Variants in GAS7 observed in about 807,000 individuals in gnomAD.
GAS7 encodes growth arrest specific 7.
GAS7 carries 28 observed loss-of-function variants against 71.1 expected under a neutral mutation model. The ratio of observed to expected loss-of-function variants is 0.39; its 90% confidence interval spans 0.29 to 0.54. The LOEUF is 0.54. Among genes scored for constraint, GAS7 ranks in the 20% least tolerant of loss-of-function variants. The pLI, the probability that GAS7 is intolerant of heterozygous loss-of-function variation, is 0.62. For missense variants in GAS7, 436 were observed against 627.8 expected (o/e 0.69, Z 3.27); for synonymous variants, 258 against 245.8 (o/e 1.05, Z -0.46).
At position 10,184,298 on chromosome 17, in the gene GAS7, G is replaced by A. The variant is rs959974545; in HGVS notation, c.183+13910C>T. ...ATTGGCCCCAGGAAAGCCTCCCTGAGGCCCACCTCCACCTCATGATCAAGG... is the reference window on the plus strand; with the variant it reads ...ATTGGCCCCAGGAAAGCCTCCCTGAAGCCCACCTCCACCTCATGATCAAGG... On this transcript the variant is annotated intron_variant, in intron 1 of 13. Transcript: ENST00000432992. Among the ~76,000 whole-genome samples, 6 of 151,990 alleles carry A rather than the reference G, an allele frequency of 3.9e-5. No individual in the cohort carries two copies. The East Asian group carries it at 5.8e-4, about 15-fold the overall frequency.
chr17:9,919,130 C>G lies in GAS7; in HGVS notation c.1218+496G>C, dbSNP rs2067698036. 6.6e-6 allele frequency among the ~76,000 whole-genome samples: 1 copy of G among 152,174 alleles called. No homozygotes were observed. The highest frequency in any genetic ancestry group is 1.5e-5 in the Non-Finnish European group (1 of 68,018). On this transcript the variant is annotated intron_variant, in intron 12 of 13. Coordinates refer to ENST00000432992, the MANE Select transcript of GAS7 (RefSeq NM_201433.2). The surrounding 1 kb of genome is among the most constrained non-coding windows in gnomAD (Gnocchi z 5.0). The stretch of plus-strand genomic sequence containing the variant: ...AGATGCTGCCCCTTTACAAGAAATA[C>G]TCAAGAGCATCATCGGCCCTGCCGC...
intron 8 of GAS7, among the ~76,000 whole-genome samples, chr17:9,939,482 C>T (rs1471096634): frequency 6.6e-6 from 1 of 152,172 alleles, no homozygotes; most frequent in African/African-American, 2.4e-5. Flanking sequence ...TGCCCCTAGA[C>T]AAAGGGAGGC....
chr17:10,147,650 GT>G (rs1294351226), intron 1 of GAS7, among the ~76,000 whole-genome samples: 2 of 152,202 alleles, frequency 1.3e-5, no homozygotes, highest in Admixed American at 1.3e-4. Flanking sequence ...AAATACACTT[GT>G]AAAAATATAC....
rs540305254 is a variant in GAS7, at chr17:9,926,050, G to A, written c.1015-451C>T. Among the ~76,000 whole-genome samples the A allele has an allele frequency of 8.5e-5, 13 of 152,062 alleles. No homozygotes were observed. The South Asian group carries it at 2.7e-3, about 32-fold the overall frequency. ...CCTCACTGTACTGCCTTTCCTCCAG[G>A]CCACCACTGGCATCTCTGTGGTCCT... On this transcript the variant is annotated intron_variant, in intron 10 of 13. Coordinates refer to ENST00000432992, the MANE Select transcript of GAS7 (RefSeq NM_201433.2). The surrounding 1 kb of genome is among the most constrained non-coding windows in gnomAD (Gnocchi z 5.0).
intron 1 of GAS7, among the ~76,000 whole-genome samples, chr17:10,176,174 T>C (rs1437312267): frequency 6.6e-6 from 1 of 152,214 alleles, no homozygotes; most frequent in Non-Finnish European, 1.5e-5. Context: ...TTAAAGCTTG[T>C]CTGGGCCAAG....
At chr17:10,089,317 A>G (rs1047352783) in intron 1 of GAS7, among the ~76,000 whole-genome samples, 2 of 152,218 alleles carry the variant, frequency 1.3e-5, no homozygotes, top group African/African-American at 4.8e-5. Context: ...AGACCTCTTC[A>G]ATCCAATCCT....
chr17:9,944,267 T>G (rs2068711410), intron 6 of GAS7, among the ~76,000 whole-genome samples: 1 of 152,210 alleles, frequency 6.6e-6, no homozygotes, highest in Non-Finnish European at 1.5e-5. Context: ...GTCCTCCTCC[T>G]TACAGCTTTT....
chr17:9,977,940 T>C (rs1337183446), intron 3 of GAS7, among the ~76,000 whole-genome samples: 1 of 152,144 alleles, frequency 6.6e-6, no homozygotes. Flanking sequence ...TGGCTGGGCA[T>C]GGCGGCTCAT....
At chr17:10,135,562 T>G (rs931451793) in intron 1 of GAS7, among the ~76,000 whole-genome samples, 2 of 152,214 alleles carry the variant, frequency 1.3e-5, no homozygotes, top group African/African-American at 2.4e-5. Flanking sequence ...TTATATCTGT[T>G]TAAGTTCCTG....
chr17:10,166,115 T>A (rs902278803), intron 1 of GAS7, among the ~76,000 whole-genome samples: 2 of 151,924 alleles, frequency 1.3e-5, no homozygotes, highest in Non-Finnish European at 2.9e-5. Flanking sequence ...CTCAAGCTCC[T>A]GAGCTTCAAG....
chr17:9,917,226 A>T lies in GAS7; in HGVS notation c.*2T>A. ...GGACCCCCCGAAGCTGCACAGGCCC[A>T]TCTAGATCTCCATGTCCACAGGGCG... is the stretch of plus-strand genomic sequence containing the variant. On this transcript the variant is annotated 3_prime_UTR_variant, in exon 14 of 14. Coordinates refer to ENST00000432992, the MANE Select transcript of GAS7 (RefSeq NM_201433.2). 6.8e-7 allele frequency: 1 copy of T among 1,479,230 alleles called. No individual in the cohort carries two copies. The highest frequency in any genetic ancestry group is 9.5e-7 in the Non-Finnish European group (1 of 1,057,702). 91.6% of individuals were successfully genotyped at this position (1,479,230 alleles called of 1,614,324 possible).
In GAS7 at chr17:9,981,704, A is replaced by G; in HGVS notation, c.385+100T>C. 1 of 736,392 alleles carries G rather than the reference A, an allele frequency of 1.4e-6. No homozygotes were observed. Among genetic ancestry groups the G allele is most frequent in the South Asian group, 1.6e-5 (1 of 62,056 alleles). 45.6% of individuals were successfully genotyped at this position (736,392 alleles called of 1,614,324 possible). A position where few individuals can be genotyped will look rare whatever the true frequency, so the allele number is the denominator to read the frequency against. On this transcript the variant is annotated intron_variant, in intron 3 of 13. Transcript: ENST00000432992. This position sits in a 1 kb window ranked among gnomAD's most constrained non-coding sequence, Gnocchi z 4.4. ...CCCAACCCCTCCCTGGGTTTGCTAC[A>G]TCAGCCAGGTTTAAGACCCAGGACC...
rs75462371 is a variant in GAS7 at position 9,973,100 on chromosome 17, C to T, written c.386-3338G>A. On this transcript the variant is annotated intron_variant, in intron 3 of 13. Coordinates refer to ENST00000432992, the MANE Select transcript of GAS7 (RefSeq NM_201433.2). The stretch of plus-strand genomic sequence containing the variant: ...TAACAGAAATTAACGAGTCAGGAAA[C>T]GGGAGACCATTAGCAAACCATGGCT... Among the ~76,000 whole-genome samples, 596 of 152,156 alleles carry T rather than the reference C, an allele frequency of 3.9e-3. 2 individuals are homozygous for T. The highest frequency in any genetic ancestry group is 0.014 in the African/African-American group (576 of 41,500).
chr17:10,084,910 G>A (rs1406171584), intron 1 of GAS7, among the ~76,000 whole-genome samples: 1 of 152,106 alleles, frequency 6.6e-6, no homozygotes, highest in African/African-American at 2.4e-5. Flanking sequence ...TCCTTCACAG[G>A]GTACAGGTGT....
chr17:10,021,950 G>A (rs1244297033), intron 1 of GAS7, among the ~76,000 whole-genome samples: 2 of 152,126 alleles, frequency 1.3e-5, no homozygotes, highest in African/African-American at 4.8e-5. Context: ...TGGGTGGGGG[G>A]TCAGGGGATT....
intron 1 of GAS7, among the ~76,000 whole-genome samples, chr17:10,187,407 G>A (rs2142150154): frequency 6.6e-6 from 1 of 152,212 alleles, no homozygotes; most frequent in East Asian, 1.9e-4. Context: ...ACCTTTTTCA[G>A]AATATTTCTG....
At chr17:10,182,311 C>G (rs868575737) in intron 1 of GAS7, among the ~76,000 whole-genome samples, 5 of 152,076 alleles carry the variant, frequency 3.3e-5, no homozygotes, top group African/African-American at 7.2e-5. Flanking sequence ...AGGCGCCCAC[C>G]ACCACGCTCG....
At position 9,946,788 on chromosome 17, in the gene GAS7, C is replaced by T. The variant is rs1346032287; in HGVS notation, c.615+106G>A. On this transcript the variant is annotated intron_variant, in intron 6 of 13. Coordinates refer to ENST00000432992, the MANE Select transcript of GAS7 (RefSeq NM_201433.2). ...CTAACACCAGCCCTTCACGCTCCAA[C>T]GAGAAAGGCCCCTCCACTTTGAGAT... 4.0e-5 allele frequency: 27 copies of T among 675,534 alleles called. No individual in the cohort carries two copies. In the East Asian group the frequency reaches 4.2e-4, roughly 10 times the overall value. The allele number at this position is 675,534 out of a possible 1,614,324, so 41.8% of individuals were successfully genotyped here.
rs368416327 is a variant in GAS7, at chr17:9,926,159, CA to C, written c.1014+481del. On this transcript the variant is annotated intron_variant, in intron 10 of 13. Transcript: ENST00000432992. The surrounding 1 kb of genome is among the most constrained non-coding windows in gnomAD (Gnocchi z 5.0). ...CTCTAAGGCACTGGGGACTGGGAAT[CA>C]GTCCCTGGGGCACACTCTCTTCCCT... Among the ~76,000 whole-genome samples the C allele has an allele frequency of 6.6e-6, 1 of 152,012 alleles. No homozygotes were observed. Among genetic ancestry groups the C allele is most frequent in the African/African-American group, 2.4e-5 (1 of 41,392 alleles).
Sources: gnomAD v4.1 joint callset for allele counts (sites outside exome capture counted in the v4.1 genomes callset) on GRCh38, gnomAD v4.1.1 for gene constraint, Gnocchi (gnomAD v3.1) non-coding constraint, MANE v1.5 for transcripts, NCBI Gene and HGNC (gene_info 2026-07-23, HGNC 2026-07-21) for gene names.